Variants in CDH12 observed in about 807,000 individuals in gnomAD.
CDH12 encodes the protein cadherin-12.
A neutral mutation model predicts 74.1 loss-of-function variants in CDH12; 41 were observed. That is an observed-to-expected ratio of 0.55 (90% confidence interval 0.43 to 0.72). The LOEUF (loss-of-function observed/expected upper bound fraction) is 0.72, where lower values mean the gene tolerates loss of function less well. Among genes scored for constraint, CDH12 ranks in the 30% least tolerant of loss-of-function variants. The pLI, the probability that CDH12 is intolerant of heterozygous loss-of-function variation, is 0.00. For synonymous variants in CDH12, 399 were observed against 355.0 expected, an observed-to-expected ratio of 1.12 and a Z score of -1.39; for missense variants, 945 against 977.2, an observed-to-expected ratio of 0.97 and a Z score of 0.44.
chr5:21,754,554 C>G (rs550623797), intron 14 of CDH12, among the ~76,000 whole-genome samples: 1 of 152,100 alleles, frequency 6.6e-6, no homozygotes, highest in Non-Finnish European at 1.5e-5. Context: ...TACACCATGC[C>G]AATTGGACTA....
chr5:21,854,837 T>C (rs967644734), intron 6 of CDH12, 47 bp from the exon 7 acceptor site: 2 of 1,576,474 alleles, frequency 1.3e-6, no homozygotes, highest in Non-Finnish European at 8.6e-7. Context: ...TTTACTACTT[T>C]CAAGGTCATG....
intron 1 of CDH12, among the ~76,000 whole-genome samples, chr5:22,742,990 T>C (rs1472276685): frequency 1.3e-5 from 2 of 151,396 alleles, no homozygotes; most frequent in African/African-American, 4.8e-5. Flanking sequence ...ATTCAATCAG[T>C]TGAAAGCCTG....
intron 1 of CDH12, among the ~76,000 whole-genome samples, chr5:22,705,499 GCACACACACACA>G (rs5866587): frequency 2.1e-5 from 3 of 143,486 alleles, no homozygotes; most frequent in Admixed American, 1.4e-4. Context: ...CAACACACAT[GCACACACACACA>G]CACACACACA....
intron 3 of CDH12, among the ~76,000 whole-genome samples, chr5:22,305,971 G>T (rs1396685552): frequency 6.6e-6 from 1 of 151,628 alleles, no homozygotes; most frequent in Non-Finnish European, 1.5e-5. Flanking sequence ...CCTTCTCCCT[G>T]CCTCCTAGAT....
intron 3 of CDH12, among the ~76,000 whole-genome samples, chr5:22,343,345 GA>G (rs1739972654): frequency 6.6e-6 from 1 of 150,428 alleles, no homozygotes; most frequent in African/African-American, 2.4e-5. Context: ...GAGAGAGAGA[GA>G]GAGAGAGAGA....
chr5:22,830,383 A>G (rs1055631265), intron 1 of CDH12, among the ~76,000 whole-genome samples: 1 of 152,132 alleles, frequency 6.6e-6, no homozygotes, highest in Non-Finnish European at 1.5e-5. Context: ...TAATTTCATT[A>G]CAGCATAGTT....
At chr5:22,612,044 T>C (rs760888201) in intron 1 of CDH12, among the ~76,000 whole-genome samples, 32 of 152,198 alleles carry the variant, frequency 2.1e-4, no homozygotes, top group Admixed American at 3.9e-4. Flanking sequence ...TAAAAACATT[T>C]GGTAATGTAT....
intron 1 of CDH12, among the ~76,000 whole-genome samples, chr5:22,624,008 C>T (rs1738131287): frequency 2.6e-5 from 4 of 152,060 alleles, no homozygotes; most frequent in Non-Finnish European, 5.9e-5. Flanking sequence ...AGAAATAATA[C>T]CACACATCTA....
chr5:22,794,073 C>T (rs887720156), intron 1 of CDH12, among the ~76,000 whole-genome samples: 6 of 152,162 alleles, frequency 3.9e-5, no homozygotes, highest in Admixed American at 3.3e-4. Context: ...CCTTCTACCT[C>T]TCAAACCCCC....
intron 3 of CDH12, among the ~76,000 whole-genome samples, chr5:22,313,714 G>A (rs1738487347): frequency 6.6e-6 from 1 of 152,170 alleles, no homozygotes; most frequent in Non-Finnish European, 1.5e-5. Context: ...ATGCTAAGTG[G>A]AGTAACACAG....
intron 4 of CDH12, among the ~76,000 whole-genome samples, chr5:22,164,069 C>A (rs1269802351): frequency 1.3e-5 from 2 of 152,154 alleles, no homozygotes; most frequent in African/African-American, 4.8e-5. Flanking sequence ...TACATCCTGC[C>A]CAAAACTTTT....
At chr5:22,315,020 C>G (rs1452126504) in intron 3 of CDH12, among the ~76,000 whole-genome samples, 1 of 108,546 alleles carries the variant, frequency 9.2e-6, no homozygotes, top group Admixed American at 1.1e-4. Flanking sequence ...GTGGCGCGAT[C>G]TAGGCTCACT....
At chr5:22,407,456 T>C (rs2126463652) in intron 2 of CDH12, among the ~76,000 whole-genome samples, 1 of 152,244 alleles carries the variant, frequency 6.6e-6, no homozygotes, top group Non-Finnish European at 1.5e-5. Flanking sequence ...ATATCCTGTT[T>C]AAGTTACTAA....
At chr5:22,572,781 T>G (rs1739603176) in intron 1 of CDH12, among the ~76,000 whole-genome samples, 1 of 152,188 alleles carries the variant, frequency 6.6e-6, no homozygotes, top group South Asian at 2.1e-4. Context: ...AAAGTATAAA[T>G]AGTTCTATAT....
chr5:22,635,627 T>A (rs1738798920), intron 1 of CDH12, among the ~76,000 whole-genome samples: 1 of 152,254 alleles, frequency 6.6e-6, no homozygotes, highest in East Asian at 1.9e-4. Context: ...TATACAAATA[T>A]TTTCCAGTCT....
chr5:21,883,313 T>C, intron 6 of CDH12: 1 of 1,500,052 alleles, frequency 6.7e-7, no homozygotes, highest in East Asian at 2.3e-5. Context: ...AATTCCAGGA[T>C]GCCTATGTTC....
At chr5:22,830,520 G>A (rs1247856003) in intron 1 of CDH12, among the ~76,000 whole-genome samples, 2 of 151,656 alleles carry the variant, frequency 1.3e-5, no homozygotes, top group Admixed American at 6.6e-5. Flanking sequence ...ATTAGAAAAA[G>A]GAGGCACTTT....
chr5:22,678,261 T>C lies in CDH12; in HGVS notation c.-522-172897A>G, dbSNP rs193060488. ...ACTCTTAGTGTGCACAGGAGCATGT[T>C]CTATACACACAATTTTTCTTTGGAG... On this transcript the variant is annotated intron_variant, in intron 1 of 14. Transcript: ENST00000382254. Among the ~76,000 whole-genome samples, 137 of 152,232 alleles carry C rather than the reference T, an allele frequency of 9.0e-4. 1 individual carries two copies. Among genetic ancestry groups the C allele is most frequent in the Non-Finnish European group, 1.6e-3 (107 of 68,006 alleles).
chr5:21,909,298 CT>C (rs1753766424), intron 6 of CDH12, among the ~76,000 whole-genome samples: 1 of 152,118 alleles, frequency 6.6e-6, no homozygotes, highest in African/African-American at 2.4e-5. Context: ...TTTTTTACCC[CT>C]TTTGTTTTAA....
Sources: allele counts gnomAD v4.1 joint callset (sites outside exome capture counted in the v4.1 genomes callset), GRCh38; gene constraint gnomAD v4.1.1; transcripts MANE v1.5; gene names NCBI Gene and HGNC (gene_info 2026-07-23, HGNC 2026-07-21).